Variants in ARL15 observed in about 807,000 individuals in gnomAD.
ARL15 encodes ARF like GTPase 15.
A neutral mutation model predicts 25.2 loss-of-function variants in ARL15; 19 were observed. That is an observed-to-expected ratio of 0.75 (90% CI 0.53 to 1.10). The LOEUF is 1.10. Among genes scored for constraint, ARL15 ranks in the 50% least tolerant of loss-of-function variants. ARL15 has a pLI of 0.00. For synonymous variants in ARL15, 94 were observed against 86.8 expected (o/e 1.08, Z -0.46); for missense variants, 220 against 246.0 (o/e 0.89, Z 0.71).
chr5:54,029,312 CACCACCACCACCACCACCACT>C lies in ARL15; in HGVS notation c.462+83869_462+83889del, dbSNP rs1242885106. 5.1e-3 allele frequency among the ~76,000 whole-genome samples: 590 copies of C among 115,882 alleles called. 1 individual carries two copies. The highest frequency in any genetic ancestry group is 6.0e-3 in the African/African-American group (164 of 27,520). 76.0% of individuals were successfully genotyped at this position (115,882 alleles called of 152,430 possible). A position where few individuals can be genotyped will look rare whatever the true frequency, so the allele number is the denominator to read the frequency against. ...GTTAATTTATAAAAACAGTTACCAC[CACCACCACCACCACCACCACT>C]ACCACCACCACCACCACCACCACCA... On this transcript the variant is annotated intron_variant, in intron 4 of 4. Transcript: ENST00000504924.
intron 4 of ARL15, among the ~76,000 whole-genome samples, chr5:54,026,502 T>C (rs952625685): frequency 3.3e-5 from 5 of 152,168 alleles, no homozygotes; most frequent in African/African-American, 1.2e-4. Context: ...ATTCCTGGGC[T>C]CAAGTGATCC....
chr5:54,283,896 T>C (rs1758121820), intron 1 of ARL15, among the ~76,000 whole-genome samples: 4 of 152,292 alleles, frequency 2.6e-5, no homozygotes, highest in Middle Eastern at 3.4e-3. Flanking sequence ...GAAGAGCCCT[T>C]TTTTGCTCTT....
At chr5:54,257,696 C>A (rs1757402087) in intron 1 of ARL15, among the ~76,000 whole-genome samples, 1 of 152,130 alleles carries the variant, frequency 6.6e-6, no homozygotes. Flanking sequence ...TAAGAAATAA[C>A]CCAAGTATCT....
intron 4 of ARL15, among the ~76,000 whole-genome samples, chr5:53,995,901 A>T (rs1748653587): frequency 6.6e-6 from 1 of 152,194 alleles, no homozygotes; most frequent in Admixed American, 6.5e-5. Context: ...TAAAACAGAA[A>T]CAAAAACAGA....
intron 2 of ARL15, among the ~76,000 whole-genome samples, chr5:54,169,311 T>C (rs1466231744): frequency 1.3e-5 from 2 of 152,212 alleles, no homozygotes; most frequent in African/African-American, 2.4e-5. Flanking sequence ...AGACTTAAGC[T>C]AATAAAGTTT....
chr5:54,147,545 G>A (rs1264871458), intron 3 of ARL15, among the ~76,000 whole-genome samples: 1 of 152,108 alleles, frequency 6.6e-6, no homozygotes, highest in East Asian at 1.9e-4. Context: ...TACAGAATAT[G>A]TACATTTACT....
chr5:54,227,225 T>C (rs1358111439), intron 1 of ARL15, among the ~76,000 whole-genome samples: 1 of 152,194 alleles, frequency 6.6e-6, no homozygotes, highest in Non-Finnish European at 1.5e-5. Flanking sequence ...CCAAGTTGTC[T>C]GAGCTCACCT....
At chr5:54,004,893 G>T (rs1396414236) in intron 4 of ARL15, among the ~76,000 whole-genome samples, 1 of 152,152 alleles carries the variant, frequency 6.6e-6, no homozygotes, top group Non-Finnish European at 1.5e-5. Flanking sequence ...CCTACAATGT[G>T]CTAGTCAGCA....
Position 54,165,683 on chromosome 5 carries a change from T to C in ARL15, c.193+6101A>G, listed in dbSNP as rs555463921. Among the ~76,000 whole-genome samples, 11 of 151,264 alleles carry C rather than the reference T, an allele frequency of 7.3e-5. No individual in the cohort carries two copies. In the East Asian group the frequency reaches 9.7e-4, roughly 13 times the overall value. On this transcript the variant is annotated intron_variant, in intron 2 of 4. Transcript: ENST00000504924. Reference sequence around the variant, plus strand: ...AAAACCAAAAGGATGTGTGTTTATATGCATATTTATATGTATGTATAGGTG... The same window carrying C: ...AAAACCAAAAGGATGTGTGTTTATACGCATATTTATATGTATGTATAGGTG...
chr5:54,127,355 G>C (rs1044092604), intron 3 of ARL15, among the ~76,000 whole-genome samples: 2 of 152,056 alleles, frequency 1.3e-5, no homozygotes, highest in Non-Finnish European at 2.9e-5. Context: ...AAAATCACAA[G>C]CATTCTTATA....
At position 54,162,024 on chromosome 5, in the gene ARL15, C is replaced by G. The variant is rs1645665; in HGVS notation, c.194-7385G>C. Reference sequence around the variant, plus strand: ...ACACACACACACACACACACACACACAGAGAGAGATACACACCTGCTATGA... The same window carrying G: ...ACACACACACACACACACACACACAGAGAGAGAGATACACACCTGCTATGA... On this transcript the variant is annotated intron_variant, in intron 2 of 4. Coordinates refer to ENST00000504924, the MANE Select transcript of ARL15 (RefSeq NM_019087.3). Among the ~76,000 whole-genome samples the G allele has an allele frequency of 5.5e-3, 794 of 145,350 alleles. 6 individuals carry two copies. The highest frequency in any genetic ancestry group is 0.024 in the East Asian group (118 of 5,018).
intron 4 of ARL15, among the ~76,000 whole-genome samples, chr5:54,109,471 T>C (rs1160833763): frequency 6.6e-6 from 1 of 151,964 alleles, no homozygotes; most frequent in Non-Finnish European, 1.5e-5. Context: ...GAAAATAAGA[T>C]TTTAAAAACC....
At position 54,240,623 on chromosome 5, in the gene ARL15, A is replaced by G. The variant is rs16882495; in HGVS notation, c.49-68695T>C. ...GTTTCTGGTTCACCATCAAATCCTC[A>G]ATGCCTAGCATTGTGCCAGGCACTC... On this transcript the variant is annotated intron_variant, in intron 1 of 4. Coordinates refer to ENST00000504924, the MANE Select transcript of ARL15 (RefSeq NM_019087.3). Among the ~76,000 whole-genome samples the G allele has an allele frequency of 9.2e-3, 1,395 of 152,230 alleles. 20 individuals are homozygous for G. The highest frequency in any genetic ancestry group is 0.031 in the African/African-American group (1,272 of 41,512).
At chr5:53,956,516 T>C (rs1747162282) in intron 4 of ARL15, among the ~76,000 whole-genome samples, 1 of 151,006 alleles carries the variant, frequency 6.6e-6, no homozygotes, top group Non-Finnish European at 1.5e-5. Context: ...CAAAAGAAAT[T>C]AATAGAAATT....
chr5:54,110,715 G>A (rs1405889934), intron 4 of ARL15, among the ~76,000 whole-genome samples: 2 of 151,924 alleles, frequency 1.3e-5, no homozygotes, highest in South Asian at 2.1e-4. Flanking sequence ...AAAGACGACC[G>A]TTATCTAAAT....
chr5:54,073,170 C>T (rs1348715532), intron 4 of ARL15, among the ~76,000 whole-genome samples: 1 of 152,180 alleles, frequency 6.6e-6, no homozygotes, highest in African/African-American at 2.4e-5. Flanking sequence ...GCACATATGG[C>T]AGTCGGATAA....
At chr5:54,052,903 C>T (rs1327662706) in intron 4 of ARL15, among the ~76,000 whole-genome samples, 1 of 151,934 alleles carries the variant, frequency 6.6e-6, no homozygotes, top group Non-Finnish European at 1.5e-5. Context: ...CTGTCTGCGG[C>T]AAGAAATACC....
chr5:53,993,277 C>CTAT (rs1240467848), intron 4 of ARL15, among the ~76,000 whole-genome samples: 1 of 152,062 alleles, frequency 6.6e-6, no homozygotes, highest in Non-Finnish European at 1.5e-5. Flanking sequence ...CTATTTATTT[C>CTAT]TATTTGCTGT....
chr5:54,269,452 C>T (rs1228047419), intron 1 of ARL15, among the ~76,000 whole-genome samples: 3 of 151,944 alleles, frequency 2.0e-5, no homozygotes, highest in African/African-American at 7.3e-5. Flanking sequence ...CGTAAGTTTT[C>T]AATATTTTTA....
Sources: gnomAD v4.1 joint callset for allele counts (sites outside exome capture counted in the v4.1 genomes callset) on GRCh38, gnomAD v4.1.1 for gene constraint, MANE v1.5 for transcripts, NCBI Gene and HGNC (gene_info 2026-07-23, HGNC 2026-07-21) for gene names.